Variants in HGSNAT observed in about 807,000 individuals in gnomAD.
The protein encoded by HGSNAT is transmembrane protein 76.
HGSNAT carries 59 observed loss-of-function variants against 85.2 expected under a neutral mutation model. The ratio of observed to expected loss-of-function variants is 0.69; its 90% CI spans 0.56 to 0.86. The LOEUF (loss-of-function observed/expected upper bound fraction) is 0.86, where lower values mean the gene tolerates loss of function less well. Ranked by LOEUF, HGSNAT falls within the 40% of genes least tolerant of loss-of-function variation. The pLI is 0.00. For missense variants in HGSNAT, 756 were observed against 777.1 expected (o/e 0.97, Z 0.32); for synonymous variants, 321 against 304.5 (o/e 1.05, Z -0.56).
chr8:43,140,671 C>A, intron 1 of HGSNAT, 57 bp downstream of exon 1: 1 of 881,666 alleles, frequency 1.1e-6, no homozygotes. Flanking sequence ...GTCTCCTCTC[C>A]GCGGCGCCGC....
At chr8:43,183,517 C>T (rs1804205665) in intron 11 of HGSNAT, among the ~76,000 whole-genome samples, 1 of 151,356 alleles carries the variant, frequency 6.6e-6, no homozygotes, top group South Asian at 2.1e-4. Flanking sequence ...GTCCGCCAGG[C>T]TGGAGTGCAG....
intron 5 of HGSNAT, 55 bp downstream of exon 5, chr8:43,161,562 T>A: frequency 7.4e-7 from 1 of 1,353,042 alleles, no homozygotes; most frequent in Non-Finnish European, 1.0e-6. Flanking sequence ...AATAACACAT[T>A]CAGAAGGGGC....
chr8:43,185,341 G>A (rs541991898), intron 11 of HGSNAT, among the ~76,000 whole-genome samples: 1 of 152,208 alleles, frequency 6.6e-6, no homozygotes, highest in East Asian at 1.9e-4. Flanking sequence ...TCTCCTTGAG[G>A]AGGTCCTTCA....
chr8:43,179,245 C>T (rs1481822506), intron 10 of HGSNAT, among the ~76,000 whole-genome samples: 139 of 151,660 alleles, frequency 9.2e-4, no homozygotes, highest in African/African-American at 3.2e-3. Flanking sequence ...GGGGGCTGAC[C>T]CCCCCACCAC....
intron 2 of HGSNAT, among the ~76,000 whole-genome samples, chr8:43,153,090 T>G (rs1802970597): frequency 6.7e-6 from 1 of 150,026 alleles, no homozygotes; most frequent in African/African-American, 2.4e-5. Flanking sequence ...GATTGGGCAA[T>G]GTGGAGACTT....
At chr8:43,178,823 A>C (rs1803910246) in intron 10 of HGSNAT, among the ~76,000 whole-genome samples, 1 of 146,276 alleles carries the variant, frequency 6.8e-6, no homozygotes, top group African/African-American at 2.5e-5. Context: ...CTTAACGAGC[A>C]TGCTGCCTTC....
At chr8:43,147,101 G>T (rs1385558266) in intron 2 of HGSNAT, 38 bp downstream of exon 2, 2 of 1,254,328 alleles carry the variant, frequency 1.6e-6, no homozygotes, top group East Asian at 4.7e-5. Flanking sequence ...TTTGCTTTGG[G>T]GCTTGTTTGA....
At position 43,161,527 on chromosome 8, in the gene HGSNAT, C is replaced by T. The variant is rs367934394; in HGVS notation, c.563+20C>T. 2.7e-5 allele frequency: 43 copies of T among 1,580,208 alleles called. No individual in the cohort carries two copies. The highest frequency in any genetic ancestry group is 1.7e-4 in the Middle Eastern group (1 of 5,934). On this transcript the variant is annotated intron_variant, in intron 5 of 17. Transcript: ENST00000379644. ...GTTGAGGTAAGATATTTGGGGAGGA[C>T]GCCACTGGAAAGGCAGAGTATAGAA... is the stretch of plus-strand genomic sequence containing the variant.
intron 14 of HGSNAT, 93 bp from the exon 15 acceptor site, chr8:43,196,855 A>C: frequency 1.3e-6 from 1 of 799,020 alleles, no homozygotes; most frequent in Admixed American, 2.1e-5. Context: ...CAGCAAGTGA[A>C]TCTCTTTGTC....
At chr8:43,175,435 T>C (rs924787823) in intron 9 of HGSNAT, among the ~76,000 whole-genome samples, 20 of 152,162 alleles carry the variant, frequency 1.3e-4, no homozygotes, top group Admixed American at 1.1e-3. Context: ...GGTAAGATGA[T>C]ATCTCACTGT....
chr8:43,179,880 CG>C (rs1174538802), intron 10 of HGSNAT, among the ~76,000 whole-genome samples: 2 of 60,298 alleles, frequency 3.3e-5, no homozygotes, highest in Non-Finnish European at 6.7e-5. Context: ...GCTGGCCGGG[CG>C]GGGGGCTGAC....
At chr8:43,146,488 A>T (rs1446184028) in intron 1 of HGSNAT, among the ~76,000 whole-genome samples, 1 of 152,036 alleles carries the variant, frequency 6.6e-6, no homozygotes, top group Admixed American at 6.6e-5. Context: ...TCATTGAAAA[A>T]CCGTGGTCAC....
intron 16 of HGSNAT, 49 bp downstream of exon 16, chr8:43,197,791 T>C (rs1804774633): frequency 6.3e-7 from 1 of 1,599,674 alleles, no homozygotes; most frequent in African/African-American, 1.3e-5. Context: ...CATGCTGAAA[T>C]TGGATTTGTT....
chr8:43,167,784 C>T (rs1803478193), intron 5 of HGSNAT, among the ~76,000 whole-genome samples: 2 of 152,030 alleles, frequency 1.3e-5, no homozygotes, highest in African/African-American at 4.8e-5. Flanking sequence ...TTTGTTTATG[C>T]CAGGGTAGGG....
intron 11 of HGSNAT, among the ~76,000 whole-genome samples, chr8:43,189,197 G>T (rs1804434532): frequency 6.6e-6 from 1 of 152,210 alleles, no homozygotes; most frequent in African/African-American, 2.4e-5. Flanking sequence ...AGAAGTTTCT[G>T]CTGCCTTTTA....
intron 9 of HGSNAT, among the ~76,000 whole-genome samples, chr8:43,177,368 G>A (rs1803846700): frequency 2.0e-5 from 3 of 151,816 alleles, no homozygotes; most frequent in South Asian, 4.2e-4. Flanking sequence ...TGGCTAACAC[G>A]GTGAAACCCT....
intron 9 of HGSNAT, among the ~76,000 whole-genome samples, chr8:43,175,709 G>T (rs1803787757): frequency 6.6e-6 from 1 of 151,656 alleles, no homozygotes; most frequent in Middle Eastern, 3.4e-3. Context: ...GGGATTACAG[G>T]TGCGCACCAC....
At position 43,199,576 on chromosome 8, in the gene HGSNAT, C is replaced by T; in HGVS notation, c.*7C>T. On this transcript the variant is annotated 3_prime_UTR_variant, in exon 18 of 18. Coordinates refer to ENST00000379644, the MANE Select transcript of HGSNAT (RefSeq NM_152419.3). ...GATTTTTTGGAAAATCTGATGGCTC[C>T]CACTGAGATGTGCTGCTGGAAGACT... 6.5e-7 allele frequency: 1 copy of T among 1,530,932 alleles called. No individual in the cohort carries two copies. Among genetic ancestry groups the T allele is most frequent in the Admixed American group, 2.0e-5 (1 of 49,506 alleles). The allele number at this position is 1,530,932 out of a possible 1,614,324, so 94.8% of individuals were successfully genotyped here. A position where few individuals can be genotyped will look rare whatever the true frequency, so the allele number is the denominator to read the frequency against.
Position 43,178,191 on chromosome 8 carries a change from C to A in HGSNAT, c.969C>A (p.Cys323Ter). The change falls in exon 10 of 18, where the codon TGC (cysteine) becomes TGA (stop). Residue 323 changes from cysteine (C) to a stop codon, truncating the protein, a stop_gained. Transcript: ENST00000379644. LOFTEE classifies it high-confidence loss of function. ...KIAWRSFLLI[C>*]IGIIIVNPNY... Reference sequence around the variant, plus strand: ...CATGGAGGAGTTTCCTGTTAATCTGCATAGGAATTATCATTGTGAATCCCA... The same window carrying A: ...CATGGAGGAGTTTCCTGTTAATCTGAATAGGAATTATCATTGTGAATCCCA... 6.3e-7 allele frequency: 1 copy of A among 1,580,798 alleles called. No homozygotes were observed. The highest frequency in any genetic ancestry group is 1.2e-5 in the South Asian group (1 of 83,890).
Sources: allele counts gnomAD v4.1 joint callset (sites outside exome capture counted in the v4.1 genomes callset), GRCh38; gene constraint gnomAD v4.1.1; transcripts MANE v1.5; gene names NCBI Gene and HGNC (gene_info 2026-07-23, HGNC 2026-07-21).